XPNPEP1: variants seen among roughly 807,000 people sequenced by gnomAD.
XPNPEP1 encodes X-prolyl aminopeptidase 1.
A neutral mutation model predicts 92.4 loss-of-function variants in XPNPEP1; 39 were observed. The ratio of observed to expected loss-of-function variants is 0.42; its 90% CI spans 0.33 to 0.55. The LOEUF (loss-of-function observed/expected upper bound fraction) is 0.55. XPNPEP1 is among the 20% of genes least tolerant of loss of function. The pLI is 0.08. For missense variants in XPNPEP1, 654 were observed against 856.1 expected (o/e 0.76, Z 2.95); for synonymous variants, 307 against 299.4 (o/e 1.03, Z -0.26).
intron 1 of XPNPEP1, among the ~76,000 whole-genome samples, chr10:109,922,847 T>A (rs149318682): frequency 1.3e-5 from 2 of 152,334 alleles, no homozygotes; most frequent in African/African-American, 2.4e-5. Context: ...CTGGGGGGAT[T>A]TTCCTGGAGA....
intron 17 of XPNPEP1, 99 bp from the exon 18 acceptor site, chr10:109,871,003 T>C: frequency 7.2e-7 from 1 of 1,383,648 alleles, no homozygotes; most frequent in Non-Finnish European, 9.7e-7. Context: ...AACCAATAGG[T>C]AAGTTACTGG....
rs750831552 is a variant in XPNPEP1 at position 109,865,247 on chromosome 10, C to A, written c.1938G>T (p.Gln646His). The change falls in exon 21 of 21, where the codon CAG becomes CAT. Residue 646 changes from glutamine (Q) to histidine (H), a missense_variant. By Grantham distance (24) the Gln-to-His change is conservative. Coordinates refer to ENST00000502935, the MANE Select transcript of XPNPEP1 (RefSeq NM_020383.4). ...RDVIGKELQK[Q>H]GRQEALEWLI... ...GCCACTCGAGAGCTTCCTGGCGGCC[C>A]TGTTTCTGCAATTCCTTCCCAATCA... The A allele has an allele frequency of 5.0e-6, 8 of 1,614,080 alleles. No homozygotes were observed. The highest frequency in any genetic ancestry group is 6.8e-6 in the Non-Finnish European group (8 of 1,180,048).
At chr10:109,893,733 C>T (rs530369494) in intron 3 of XPNPEP1, among the ~76,000 whole-genome samples, 5 of 152,324 alleles carry the variant, frequency 3.3e-5, no homozygotes, top group Admixed American at 6.5e-5. Context: ...GAAATTCTTA[C>T]GCGTGGGCAA....
At chr10:109,879,156 G>A (rs1250305999) in intron 12 of XPNPEP1, among the ~76,000 whole-genome samples, 1 of 151,572 alleles carries the variant, frequency 6.6e-6, no homozygotes, top group Admixed American at 6.6e-5. Context: ...GCAGGAGAAT[G>A]GCGTGAACCC....
intron 2 of XPNPEP1, among the ~76,000 whole-genome samples, chr10:109,912,301 G>C (rs983547696): frequency 6.6e-6 from 1 of 152,172 alleles, no homozygotes; most frequent in African/African-American, 2.4e-5. Flanking sequence ...ATCAATATTA[G>C]ACATGATGAA....
At chr10:109,903,159 C>T (rs750720490) in intron 3 of XPNPEP1, among the ~76,000 whole-genome samples, 2 of 152,160 alleles carry the variant, frequency 1.3e-5, no homozygotes, top group Non-Finnish European at 2.9e-5. Flanking sequence ...TATCCTAACT[C>T]CAGGCAAAAG....
At chr10:109,884,211 G>T in intron 8 of XPNPEP1, 63 bp from the exon 9 acceptor site, 1 of 1,526,706 alleles carries the variant, frequency 6.6e-7, no homozygotes, top group Non-Finnish European at 9.0e-7. Flanking sequence ...GTCGCTTGTA[G>T]CGGGAGGGAA....
At chr10:109,911,721 C>T (rs1050903058) in intron 2 of XPNPEP1, among the ~76,000 whole-genome samples, 16 of 152,132 alleles carry the variant, frequency 1.1e-4, no homozygotes, top group African/African-American at 2.2e-4. Context: ...TAGGACTATC[C>T]GGGAAACATC....
intron 11 of XPNPEP1, 44 bp downstream of exon 11, chr10:109,880,798 T>C: frequency 6.3e-7 from 1 of 1,594,904 alleles, no homozygotes; most frequent in Non-Finnish European, 8.6e-7. Context: ...CCGGGCCTTC[T>C]GACCACCTCA....
At chr10:109,884,402 A>G (rs759931119) in intron 8 of XPNPEP1, 3 of 437,860 alleles carry the variant, frequency 6.9e-6, no homozygotes, top group Non-Finnish European at 1.2e-5. Context: ...AATAAAAGCT[A>G]TTAGTTGAAA....
chr10:109,888,254 A>G, intron 6 of XPNPEP1, 62 bp from the exon 7 acceptor site: 1 of 1,569,616 alleles, frequency 6.4e-7, no homozygotes. Flanking sequence ...GGCAGGGAGC[A>G]GGGCCTTGAA....
intron 10 of XPNPEP1, among the ~76,000 whole-genome samples, chr10:109,881,574 G>A (rs1848100129): frequency 6.6e-6 from 1 of 152,216 alleles, no homozygotes; most frequent in Admixed American, 6.5e-5. Flanking sequence ...AGAGAGAGGA[G>A]GAGTCACACT....
Position 109,893,078 on chromosome 10 carries a change from G to GGAAAACAAAGAT in XPNPEP1, c.247-15_247-4dup. On this transcript the variant is annotated splice_polypyrimidine_tract_variant and splice_region_variant and intron_variant, in intron 3 of 20. Coordinates refer to ENST00000502935, the MANE Select transcript of XPNPEP1 (RefSeq NM_020383.4). ...TCACATGGAGCAATATACTCACTCTGGAAAACAAAGATGACAACAAAGTGG... is the reference window on the plus strand; with the variant it reads ...TCACATGGAGCAATATACTCACTCTGGAAAACAAAGATGAAAACAAAGATGACAACAAAGTGG... The GGAAAACAAAGAT allele has an allele frequency of 6.2e-7, 1 of 1,613,248 alleles. No homozygotes were observed. The highest frequency in any genetic ancestry group is 1.3e-5 in the African/African-American group (1 of 75,030).
chr10:109,901,859 T>G (rs766168107), intron 3 of XPNPEP1, among the ~76,000 whole-genome samples: 1 of 152,220 alleles, frequency 6.6e-6, no homozygotes, highest in Non-Finnish European at 1.5e-5. Context: ...GTTTTGTAAA[T>G]GTAAAAACTT....
At chr10:109,866,126 G>A (rs1589532678) in intron 20 of XPNPEP1, among the ~76,000 whole-genome samples, 1 of 152,230 alleles carries the variant, frequency 6.6e-6, no homozygotes, top group Non-Finnish European at 1.5e-5. Context: ...GGAAGCTGAT[G>A]AGACTGATAG....
intron 1 of XPNPEP1, among the ~76,000 whole-genome samples, chr10:109,918,219 C>T (rs116301601): frequency 2.5e-4 from 38 of 150,078 alleles, no homozygotes; most frequent in Non-Finnish European, 5.0e-4. Context: ...TCCCAGGGTT[C>T]GAGACTAGCT....
At position 109,865,118 on chromosome 10, in the gene XPNPEP1, AG is replaced by A; in HGVS notation, c.*65del. 1 of 1,602,968 alleles carries A rather than the reference AG, an allele frequency of 6.2e-7. No individual in the cohort carries two copies. On this transcript the variant is annotated 3_prime_UTR_variant, in exon 21 of 21. Transcript: ENST00000502935. ...AAGGAAAGGAAAGGGGAAAGATGTC[AG>A]GGATCTGCCACGTTTCTTCCTTCCT...
At chr10:109,887,204 AG>A (rs1384128473) in intron 7 of XPNPEP1, among the ~76,000 whole-genome samples, 1 of 152,202 alleles carries the variant, frequency 6.6e-6, no homozygotes, top group Non-Finnish European at 1.5e-5. Context: ...CTTCTGCTCT[AG>A]TGAAAAAAAC....
At chr10:109,912,554 T>C (rs1341354794) in intron 2 of XPNPEP1, among the ~76,000 whole-genome samples, 1 of 152,148 alleles carries the variant, frequency 6.6e-6, no homozygotes, top group Admixed American at 6.5e-5. Flanking sequence ...ATTATATAAG[T>C]CCTAGCCATT....
Sources: gnomAD v4.1 joint callset for allele counts (sites outside exome capture counted in the v4.1 genomes callset) on GRCh38, gnomAD v4.1.1 for gene constraint, MANE v1.5 for transcripts, NCBI Gene and HGNC (gene_info 2026-07-23, HGNC 2026-07-21) for gene names.